The following ANKRD7 variants were observed in gnomAD, a reference collection of about 807,000 sequenced individuals.
The protein encoded by ANKRD7 is ankyrin repeat domain-containing protein 7.
In ANKRD7, 30 loss-of-function variants were observed where a neutral mutation model predicts 30.8. The observed-to-expected ratio is 0.97, with a 90% CI of 0.73 to 1.32. The LOEUF (loss-of-function observed/expected upper bound fraction) is 1.32, where lower values mean the gene tolerates loss of function less well. Among genes scored for constraint, ANKRD7 ranks in the 40% most tolerant of loss-of-function variants. ANKRD7 has a pLI of 0.00. For missense variants in ANKRD7, 264 were observed against 295.7 expected (o/e 0.89, Z 0.79); for synonymous variants, 97 against 106.6 (o/e 0.91, Z 0.55).
rs774523105 is a variant in ANKRD7 at position 118,236,904 on chromosome 7, G to GT, written c.693dup (p.Ile232TyrfsTer8). 43 of 1,613,856 alleles carry GT rather than the reference G, an allele frequency of 2.7e-5. No individual in the cohort carries two copies. Among genetic ancestry groups the GT allele is most frequent in the Middle Eastern group, 1.7e-4 (1 of 6,056 alleles). On this transcript the variant is annotated frameshift_variant, in exon 5 of 7. Transcript: ENST00000265224. LOFTEE classifies it high-confidence loss of function. The stretch of plus-strand genomic sequence containing the variant: ...TTGTGGATTCACAGCTGAGGAATAT[G>GT]TTTATTTCCATGGTTTTACTGCGTA...
At chr7:118,237,359 A>G (rs10487393) in intron 5 of ANKRD7, among the ~76,000 whole-genome samples, 2,801 of 152,194 alleles carry the variant, frequency 0.018, 43 homozygotes, top group East Asian at 0.077. Flanking sequence ...TCTAAAGTAC[A>G]CTCTATTTAC....
intron 6 of ANKRD7, 86 bp downstream of exon 6, chr7:118,240,084 A>G (rs569645280): frequency 1.7e-6 from 1 of 605,186 alleles, no homozygotes; most frequent in East Asian, 3.8e-5. Flanking sequence ...TTCTTAAGTA[A>G]CATTTAATTT....
chr7:118,228,460 G>A (rs1429681322), intron 1 of ANKRD7, among the ~76,000 whole-genome samples: 1 of 151,982 alleles, frequency 6.6e-6, no homozygotes, highest in African/African-American at 2.4e-5. Context: ...ATAAATTGTG[G>A]CCAATTTTAA....
chr7:118,233,826 T>A (rs1408275889), intron 1 of ANKRD7, among the ~76,000 whole-genome samples: 1 of 152,098 alleles, frequency 6.6e-6, no homozygotes, highest in Non-Finnish European at 1.5e-5. Flanking sequence ...ATCTAATTAG[T>A]CTTCTGTCAT....
chr7:118,237,447 G>C (rs1809749461), intron 5 of ANKRD7, among the ~76,000 whole-genome samples: 1 of 152,084 alleles, frequency 6.6e-6, no homozygotes, highest in Non-Finnish European at 1.5e-5. Flanking sequence ...TAGATACGAT[G>C]TACAAAAATT....
intron 6 of ANKRD7, among the ~76,000 whole-genome samples, chr7:118,240,780 TAAAG>T (rs1809820262): frequency 6.6e-6 from 1 of 152,166 alleles, no homozygotes; most frequent in African/African-American, 2.4e-5. Context: ...TATAAAATTT[TAAAG>T]AAAGTAACAA....
At chr7:118,225,452 C>A (rs1173796419) in intron 1 of ANKRD7, among the ~76,000 whole-genome samples, 1 of 149,006 alleles carries the variant, frequency 6.7e-6, no homozygotes, top group Non-Finnish European at 1.5e-5. Flanking sequence ...CGGGCCACTG[C>A]ATTCCAGCCT....
chr7:118,241,831 G>A (rs1464348172), intron 6 of ANKRD7, among the ~76,000 whole-genome samples: 1 of 152,064 alleles, frequency 6.6e-6, no homozygotes, highest in Non-Finnish European at 1.5e-5. Context: ...GAGCCACTGT[G>A]TCTGGCCCTC....
chr7:118,230,004 A>G (rs553533234), intron 1 of ANKRD7, among the ~76,000 whole-genome samples: 1 of 152,246 alleles, frequency 6.6e-6, no homozygotes, highest in South Asian at 2.1e-4. Flanking sequence ...AACCCTCAAC[A>G]AACTAGGCAT....
At chr7:118,238,073 T>G (rs898027936) in intron 5 of ANKRD7, among the ~76,000 whole-genome samples, 1 of 152,164 alleles carries the variant, frequency 6.6e-6, no homozygotes, top group Non-Finnish European at 1.5e-5. Flanking sequence ...TTTAAAATAC[T>G]TATTTACATA....
Position 118,236,774 on chromosome 7 carries a change from CTA to C in ANKRD7, c.576-14_576-13del, listed in dbSNP as rs775755871. On this transcript the variant is annotated splice_polypyrimidine_tract_variant and intron_variant, in intron 4 of 6. Transcript: ENST00000265224. ...AAGATCTTTACATGGGCATTCATTT[CTA>C]TCTCTTGCTCCAGAACAGCCCTTAT... 12 of 1,606,664 alleles carry C rather than the reference CTA, an allele frequency of 7.5e-6. 1 individual carries two copies. The South Asian group carries it at 1.3e-4, about 18-fold the overall frequency.
intron 5 of ANKRD7, 89 bp downstream of exon 5, chr7:118,237,015 G>A: frequency 7.2e-7 from 1 of 1,386,050 alleles, no homozygotes; most frequent in South Asian, 1.3e-5. Context: ...GCTGGAATAG[G>A]CTCAACAGTA....
chr7:118,236,817 T>G lies in ANKRD7; in HGVS notation c.603T>G (p.Gly201=). 1 of 1,613,916 alleles carries G rather than the reference T, an allele frequency of 6.2e-7. No individual in the cohort carries two copies. The change falls in exon 5 of 7, where the codon GGT becomes GGG. Residue 201 remains glycine, a synonymous_variant. Coordinates refer to ENST00000265224, the MANE Select transcript of ANKRD7 (RefSeq NM_019644.4). ...CAGCCCTTATTCTTGCTGTCAGTGG[T>G]GAACCACCATGTTTAGTAAAGCTTC... is the stretch of plus-strand genomic sequence containing the variant. ...QRTALILAVS[G]EPPCLVKLLL... is the part of the protein sequence containing the mutation.
At chr7:118,227,796 A>G in intron 1 of ANKRD7, 3 of 1,026,216 alleles carry the variant, frequency 2.9e-6, no homozygotes, top group Non-Finnish European at 3.8e-6. Context: ...TATTTTTGGG[A>G]GTTTTCAAGT....
chr7:118,234,398 T>C (rs1259742489), intron 1 of ANKRD7, 33 bp from the exon 2 acceptor site: 1 of 1,444,546 alleles, frequency 6.9e-7, no homozygotes, highest in Admixed American at 2.1e-5. Flanking sequence ...CGAAGACTTA[T>C]CTCTAACTTT....
At chr7:118,231,143 T>G (rs536386055) in intron 1 of ANKRD7, among the ~76,000 whole-genome samples, 1 of 152,074 alleles carries the variant, frequency 6.6e-6, no homozygotes, top group Non-Finnish European at 1.5e-5. Context: ...TCTTTCAAAC[T>G]AGAGCTACTA....
At chr7:118,235,636 G>A (rs200369391) in intron 3 of ANKRD7, among the ~76,000 whole-genome samples, 5 of 145,492 alleles carry the variant, frequency 3.4e-5, no homozygotes, top group East Asian at 4.0e-4. Flanking sequence ...AAAAAAAAGC[G>A]TATTGATACT....
intron 3 of ANKRD7, 23 bp downstream of exon 3, chr7:118,234,897 A>G: frequency 6.4e-7 from 1 of 1,566,374 alleles, no homozygotes; most frequent in Non-Finnish European, 8.6e-7. Context: ...TAAAGAAAAA[A>G]ATCCTGTATT....
chr7:118,230,540 A>G (rs1809618346), intron 1 of ANKRD7, among the ~76,000 whole-genome samples: 1 of 152,088 alleles, frequency 6.6e-6, no homozygotes, highest in Non-Finnish European at 1.5e-5. Context: ...TGACTAGTCA[A>G]AATTCATAAA....
Sources: allele counts gnomAD v4.1 joint callset (sites outside exome capture counted in the v4.1 genomes callset), GRCh38; gene constraint gnomAD v4.1.1; transcripts MANE v1.5; gene names NCBI Gene and HGNC (gene_info 2026-07-23, HGNC 2026-07-21).